PPP2R2C: variants seen among roughly 807,000 people sequenced by gnomAD.
PPP2R2C encodes protein phosphatase 2, regulatory subunit B, gamma.
PPP2R2C carries 10 observed loss-of-function variants against 45.3 expected under a neutral mutation model. The ratio of observed to expected loss-of-function variants is 0.22; its 90% CI spans 0.14 to 0.37. PPP2R2C has a LOEUF of 0.37. Among genes scored for constraint, PPP2R2C ranks in the 10% least tolerant of loss-of-function variants. The pLI, the probability that PPP2R2C is intolerant of heterozygous loss-of-function variation, is 1.00. For synonymous variants in PPP2R2C, 257 were observed against 245.4 expected (o/e 1.05, Z -0.44); for missense variants, 308 against 619.7 (o/e 0.50, Z 5.34).
chr4:6,554,999 G>GA (rs1725339297), intron 1 of PPP2R2C, among the ~76,000 whole-genome samples: 1 of 151,582 alleles, frequency 6.6e-6, no homozygotes, highest in African/African-American at 2.4e-5. Flanking sequence ...GAAGAGAAGA[G>GA]AAAAGAAAAG....
intron 5 of PPP2R2C, among the ~76,000 whole-genome samples, chr4:6,360,797 A>G (rs1173196535): frequency 3.3e-5 from 5 of 152,216 alleles, no homozygotes; most frequent in Admixed American, 2.0e-4. Flanking sequence ...CTTAAACAGT[A>G]TGTGTTTCTC....
intron 8 of PPP2R2C, among the ~76,000 whole-genome samples, chr4:6,323,993 C>T (rs1235234923): frequency 2.0e-5 from 3 of 152,156 alleles, no homozygotes; most frequent in Admixed American, 6.5e-5. Flanking sequence ...AGAGCCATCA[C>T]TCCCTGGAAA....
rs975023505 is a variant in PPP2R2C at position 6,328,905 on chromosome 4, T to A, written c.1052+357A>T. ...CTGTCTCAGGACATACAGGTGTGGA[T>A]GGATGATGGTGACCGGGTGCTGGGC... On this transcript the variant is annotated intron_variant, in intron 8 of 8. Coordinates refer to ENST00000382599, the MANE Select transcript of PPP2R2C (RefSeq NM_020416.4). The surrounding 1 kb of genome is among the most constrained non-coding windows in gnomAD (Gnocchi z 4.4). Among the ~76,000 whole-genome samples, 2 of 127,988 alleles carry A rather than the reference T, an allele frequency of 1.6e-5. No homozygotes were observed. Among genetic ancestry groups the A allele is most frequent in the African/African-American group, 5.8e-5 (2 of 34,584 alleles). 84.0% of individuals were successfully genotyped at this position (127,988 alleles called of 152,430 possible).
rs79380210 is a variant in PPP2R2C, at chr4:6,371,133, C to T, written c.625+1390G>A. On this transcript the variant is annotated intron_variant, in intron 5 of 8. Transcript: ENST00000382599. ...AGGCATGATTGAAAAGACGGAGTCT[C>T]GGAGAGGGAGGTGAGTGTACTCACC... 9.0e-3 allele frequency among the ~76,000 whole-genome samples: 1,369 copies of T among 152,298 alleles called. 17 individuals are homozygous for T. Among genetic ancestry groups the T allele is most frequent in the African/African-American group, 0.031 (1,306 of 41,562 alleles).
intron 6 of PPP2R2C, among the ~76,000 whole-genome samples, chr4:6,338,296 T>G (rs1733153181): frequency 6.6e-6 from 1 of 152,180 alleles, no homozygotes; most frequent in African/African-American, 2.4e-5. Flanking sequence ...TTTAATGATT[T>G]TGCATAATTA....
intron 1 of PPP2R2C, among the ~76,000 whole-genome samples, chr4:6,454,139 G>A (rs1027425441): frequency 1.3e-5 from 2 of 152,304 alleles, no homozygotes; most frequent in African/African-American, 4.8e-5. Context: ...CAGGAGCGGG[G>A]CAGTGGCTCC....
chr4:6,481,808 A>G (rs4689464), intron 2 of PPP2R2C, among the ~76,000 whole-genome samples: 148,826 of 151,768 alleles, frequency 0.98, 73,042 homozygotes, highest in Middle Eastern at 1. Flanking sequence ...ATGAGACCCC[A>G]TCTCTACTAA....
chr4:6,538,129 C>A (rs185854654), intron 1 of PPP2R2C, among the ~76,000 whole-genome samples: 7 of 152,170 alleles, frequency 4.6e-5, no homozygotes, highest in African/African-American at 1.4e-4. Context: ...GTATATTTTA[C>A]CACATTAAAA....
chr4:6,528,701 CACCACAAAA>C (rs1284658521), intron 2 of PPP2R2C, among the ~76,000 whole-genome samples: 1 of 152,128 alleles, frequency 6.6e-6, no homozygotes, highest in African/African-American at 2.4e-5. Flanking sequence ...GATGACATTC[CACCACAAAA>C]GAAGTGAAAA....
intron 6 of PPP2R2C, among the ~76,000 whole-genome samples, chr4:6,337,108 GTGTGTATATATATATATATATATATA>G (rs1340590457): frequency 0.012 from 395 of 33,246 alleles, 35 homozygotes; most frequent in African/African-American, 0.023. Context: ...CTGTATGTGT[GTGTGTATATATATATATATATATATA>G]TATATATATA....
Position 6,361,883 on chromosome 4 carries a change from T to C in PPP2R2C, c.625+10640A>G, listed in dbSNP as rs376887091. 4.8e-4 allele frequency among the ~76,000 whole-genome samples: 73 copies of C among 152,276 alleles called. No individual in the cohort carries two copies. In the South Asian group the frequency reaches 0.015, roughly 31 times the overall value. On this transcript the variant is annotated intron_variant, in intron 5 of 8. Transcript: ENST00000382599. ...CAGATTTAGCTCCATGATCGATCGA[T>C]GGCCTAAGAGAGACACAGGTGCTCA... is the stretch of plus-strand genomic sequence containing the variant.
chr4:6,533,637 C>T (rs73796243), intron 2 of PPP2R2C, among the ~76,000 whole-genome samples: 2,169 of 152,290 alleles, frequency 0.014, 53 homozygotes, highest in African/African-American at 0.049. Flanking sequence ...GTTGACATTG[C>T]CGTCCAAATG....
intron 2 of PPP2R2C, among the ~76,000 whole-genome samples, chr4:6,518,188 C>T (rs1723885949): frequency 6.6e-6 from 1 of 152,104 alleles, no homozygotes; most frequent in South Asian, 2.1e-4. Context: ...ATTGAATGTA[C>T]ATATTAGAAA....
intron 2 of PPP2R2C, chr4:6,535,174 G>A (rs1390135440): frequency 3.6e-5 from 49 of 1,366,460 alleles, no homozygotes; most frequent in South Asian, 3.4e-4. Context: ...TCGGCTTCCC[G>A]CTGTCAGGCT....
intron 1 of PPP2R2C, among the ~76,000 whole-genome samples, chr4:6,536,565 C>G (rs1291888166): frequency 1.3e-5 from 2 of 152,016 alleles, no homozygotes; most frequent in Non-Finnish European, 2.9e-5. Context: ...TGGCAGTGAC[C>G]AAAAAAAGGC....
chr4:6,433,617 ATACGGGT>A (rs1334159452), intron 1 of PPP2R2C, among the ~76,000 whole-genome samples: 1 of 152,204 alleles, frequency 6.6e-6, no homozygotes, highest in African/African-American at 2.4e-5. Context: ...GCCAATAGGC[ATACGGGT>A]TCCAAATCCA....
intron 1 of PPP2R2C, among the ~76,000 whole-genome samples, chr4:6,455,988 T>TG (rs148183614): frequency 4.0e-4 from 58 of 145,902 alleles, no homozygotes; most frequent in South Asian, 2.4e-3. Context: ...CCAGAAATCC[T>TG]GGGGGGGGGG....
At chr4:6,337,780 C>T (rs113665717) in intron 6 of PPP2R2C, among the ~76,000 whole-genome samples, 3 of 150,820 alleles carry the variant, frequency 2.0e-5, no homozygotes, top group African/African-American at 7.3e-5. Flanking sequence ...CAAAGCCAAA[C>T]GGCGCTGGCC....
intron 1 of PPP2R2C, among the ~76,000 whole-genome samples, chr4:6,423,098 C>G (rs1464132975): frequency 6.6e-6 from 1 of 152,220 alleles, no homozygotes; most frequent in Non-Finnish European, 1.5e-5. Context: ...CTGCAATACA[C>G]TCATCCAGGC....
Sources: gnomAD v4.1 joint callset for allele counts (sites outside exome capture counted in the v4.1 genomes callset) on GRCh38, gnomAD v4.1.1 for gene constraint, Gnocchi (gnomAD v3.1) non-coding constraint, MANE v1.5 for transcripts, NCBI Gene and HGNC (gene_info 2026-07-23, HGNC 2026-07-21) for gene names.